The following REDIC1 variants were observed in gnomAD, a reference collection of about 807,000 sequenced individuals.
The protein encoded by REDIC1 is HEI10 Interacting Protein 1.
At chr12:39,836,467 T>G in the REDIC1 span, among the ~76,000 whole-genome samples, 1 of 151,866 alleles carries the variant, frequency 6.6e-6, no homozygotes, top group Non-Finnish European at 1.5e-5. Context: ...CTATTCAACA[T>G]AGTGTTGGAA....
chr12:39,888,825 ACT>A, the REDIC1 span, among the ~76,000 whole-genome samples: 1 of 152,112 alleles, frequency 6.6e-6, no homozygotes, highest in East Asian at 1.9e-4. Flanking sequence ...ATGCAACTTA[ACT>A]CTATATTGTG....
chr12:39,660,462 TCTC>T, the REDIC1 span, among the ~76,000 whole-genome samples: 14 of 152,274 alleles, frequency 9.2e-5, no homozygotes, highest in South Asian at 2.1e-4. Flanking sequence ...GCTCACCTGG[TCTC>T]CTCTGACTGA....
the REDIC1 span, among the ~76,000 whole-genome samples, chr12:39,771,638 G>A: frequency 6.6e-6 from 1 of 152,138 alleles, no homozygotes; most frequent in Non-Finnish European, 1.5e-5. Context: ...TGACCCACAG[G>A]AAGTGCTATA....
the REDIC1 span, among the ~76,000 whole-genome samples, chr12:39,777,887 G>A: frequency 6.6e-6 from 1 of 152,194 alleles, no homozygotes; most frequent in African/African-American, 2.4e-5. Context: ...GTACACAGAG[G>A]CAAGATCCCT....
the REDIC1 span, among the ~76,000 whole-genome samples, chr12:39,740,080 G>A: frequency 2.0e-5 from 3 of 152,184 alleles, no homozygotes; most frequent in African/African-American, 7.2e-5. Flanking sequence ...AGGAGTTACG[G>A]CAAGAGCAAC....
At chr12:39,803,339 G>T in the REDIC1 span, among the ~76,000 whole-genome samples, 7 of 152,156 alleles carry the variant, frequency 4.6e-5, no homozygotes, top group Non-Finnish European at 1.0e-4. Flanking sequence ...AATCTACCGT[G>T]ATCAGTAGCC....
At chr12:39,801,125 T>C in the REDIC1 span, among the ~76,000 whole-genome samples, 167 of 78,422 alleles carry the variant, frequency 2.1e-3, no homozygotes, top group African/African-American at 6.2e-3. Context: ...AGGGATAGCA[T>C]TGGGAGATAT....
the REDIC1 span, chr12:39,691,942 T>C: frequency 1.0e-6 from 1 of 997,676 alleles, no homozygotes; most frequent in South Asian, 2.0e-5. Flanking sequence ...ACTGAAGTAA[T>C]GTAAAAGAAA....
chr12:39,797,589 T>C, the REDIC1 span, among the ~76,000 whole-genome samples: 1 of 152,210 alleles, frequency 6.6e-6, no homozygotes, highest in Non-Finnish European at 1.5e-5. Context: ...TCGTCCCTTT[T>C]GTTGTCTCTC....
chr12:39,838,465 C>T, the REDIC1 span, among the ~76,000 whole-genome samples: 1 of 137,880 alleles, frequency 7.3e-6, no homozygotes, highest in South Asian at 2.3e-4. Context: ...ACAATGTGCA[C>T]ATGTACCCTA....
At chr12:39,761,212 T>G in the REDIC1 span, among the ~76,000 whole-genome samples, 1 of 151,760 alleles carries the variant, frequency 6.6e-6, no homozygotes, top group Non-Finnish European at 1.5e-5. Flanking sequence ...GATAGTCATT[T>G]AACCTCTTCT....
At chr12:39,688,049 A>G in the REDIC1 span, among the ~76,000 whole-genome samples, 1 of 152,212 alleles carries the variant, frequency 6.6e-6, no homozygotes, top group Non-Finnish European at 1.5e-5. Context: ...CATATTATGA[A>G]TTCATATAAA....
chr12:39,713,430 A>G, the REDIC1 span, among the ~76,000 whole-genome samples: 162 of 8,604 alleles, frequency 0.019, 3 homozygotes, highest in Non-Finnish European at 0.069. Context: ...ATATGTATAT[A>G]TGTGTACATA....
the REDIC1 span, among the ~76,000 whole-genome samples, chr12:39,639,396 G>C: frequency 6.6e-6 from 1 of 151,938 alleles, no homozygotes; most frequent in African/African-American, 2.4e-5. Flanking sequence ...GTTAGTTCTT[G>C]CATGGGGGAA....
chr12:39,712,120 A>T, the REDIC1 span, among the ~76,000 whole-genome samples: 2 of 79,232 alleles, frequency 2.5e-5, no homozygotes, highest in African/African-American at 7.7e-5. Flanking sequence ...ATACCTGTAT[A>T]TATACCTGTA....
the REDIC1 span, among the ~76,000 whole-genome samples, chr12:39,720,304 C>A: frequency 2.0e-5 from 3 of 151,738 alleles, no homozygotes; most frequent in African/African-American, 7.3e-5. Context: ...TTTCATTGGA[C>A]TGGGCCCATA....
At chr12:39,750,970 C>A in the REDIC1 span, among the ~76,000 whole-genome samples, 1 of 152,088 alleles carries the variant, frequency 6.6e-6, no homozygotes, top group African/African-American at 2.4e-5. Context: ...TAGAAGAAAA[C>A]CTAGGCAATA....
At chr12:39,844,963 G>A in the REDIC1 span, among the ~76,000 whole-genome samples, 1 of 151,844 alleles carries the variant, frequency 6.6e-6, no homozygotes, top group African/African-American at 2.4e-5. Context: ...TGGACTAATG[G>A]AAATTCATGA....
At chr12:39,850,911 T>C in the REDIC1 span, among the ~76,000 whole-genome samples, 1 of 152,106 alleles carries the variant, frequency 6.6e-6, no homozygotes, top group Non-Finnish European at 1.5e-5. Flanking sequence ...AATTTTTTTT[T>C]TTTTTTGAGA....
Sources: allele counts gnomAD v4.1 joint callset (sites outside exome capture counted in the v4.1 genomes callset), GRCh38; gene constraint gnomAD v4.1.1; transcripts MANE v1.5; gene names NCBI Gene and HGNC (gene_info 2026-07-23, HGNC 2026-07-21).